Variants in ADAM23 observed in about 807,000 individuals in gnomAD.
The protein encoded by ADAM23 is ADAM metallopeptidase domain 23.
In ADAM23, 33 loss-of-function variants were observed where a neutral mutation model predicts 120.1. That is an observed-to-expected ratio of 0.27 (90% confidence interval 0.21 to 0.37). ADAM23 has a LOEUF of 0.37. ADAM23 is among the 10% of genes least tolerant of loss of function. The probability of loss-of-function intolerance (pLI) is 1.00; values close to 1 mark genes in which losing one functional copy is unlikely to be tolerated. For missense variants in ADAM23, 862 were observed against 1,058.2 expected (o/e 0.81, Z 2.57); for synonymous variants, 367 against 375.2 (o/e 0.98, Z 0.25).
chr2:206,612,983 A>G (rs1698853873), intron 25 of ADAM23, among the ~76,000 whole-genome samples: 1 of 152,222 alleles, frequency 6.6e-6, no homozygotes, highest in Non-Finnish European at 1.5e-5. Flanking sequence ...AAGAATTTTT[A>G]AATGTTTTAT....
At chr2:206,600,861 A>T (rs900827103) in intron 24 of ADAM23, among the ~76,000 whole-genome samples, 12 of 152,296 alleles carry the variant, frequency 7.9e-5, no homozygotes, top group African/African-American at 2.4e-4. Context: ...AGGATTTTTT[A>T]AAAAAGATTT....
intron 18 of ADAM23, among the ~76,000 whole-genome samples, chr2:206,586,012 A>C (rs143515943): frequency 2.6e-5 from 4 of 152,312 alleles, no homozygotes; most frequent in African/African-American, 9.6e-5. Flanking sequence ...AGCTCTAACA[A>C]AGGTGAGGGA....
At chr2:206,477,448 C>T (rs1404390900) in intron 2 of ADAM23, among the ~76,000 whole-genome samples, 2 of 152,062 alleles carry the variant, frequency 1.3e-5, no homozygotes, top group African/African-American at 4.8e-5. Context: ...TAATTCTGAG[C>T]CCAGGGACAT....
intron 6 of ADAM23, among the ~76,000 whole-genome samples, chr2:206,544,022 A>G (rs1454729816): frequency 6.6e-6 from 1 of 152,212 alleles, no homozygotes; most frequent in Non-Finnish European, 1.5e-5. Flanking sequence ...GGTACAGTGT[A>G]CACTACTTGG....
At chr2:206,579,568 TC>T (rs1445612421) in intron 18 of ADAM23, among the ~76,000 whole-genome samples, 1 of 151,956 alleles carries the variant, frequency 6.6e-6, no homozygotes, top group African/African-American at 2.4e-5. Flanking sequence ...ATTTCTGGGT[TC>T]TATATGCCAT....
chr2:206,523,485 C>T (rs1368597193), intron 3 of ADAM23, among the ~76,000 whole-genome samples: 2 of 152,192 alleles, frequency 1.3e-5, no homozygotes, highest in Admixed American at 6.5e-5. Context: ...ATCATTGCTA[C>T]ATGCTTAAAT....
chr2:206,592,881 T>C (rs375619535), intron 22 of ADAM23, 145 bp downstream of exon 22: 3 of 1,057,138 alleles, frequency 2.8e-6, no homozygotes, highest in East Asian at 2.6e-5. Flanking sequence ...ACCTTTCATA[T>C]TGACAGTCAC....
chr2:206,605,246 A>G (rs565403278), intron 24 of ADAM23, among the ~76,000 whole-genome samples: 40 of 152,358 alleles, frequency 2.6e-4, no homozygotes, highest in African/African-American at 9.4e-4. Context: ...ACAGAAATCC[A>G]AATATTGCAG....
At chr2:206,476,463 A>G (rs548982653) in intron 2 of ADAM23, among the ~76,000 whole-genome samples, 7 of 152,128 alleles carry the variant, frequency 4.6e-5, no homozygotes, top group Admixed American at 1.3e-4. Context: ...TTACTGCCTG[A>G]GTTCCACCTC....
chr2:206,535,168 T>TC (rs1697145343), intron 4 of ADAM23, among the ~76,000 whole-genome samples: 2 of 152,172 alleles, frequency 1.3e-5, no homozygotes. Context: ...AATCCTCTCC[T>TC]CCAGTATAGC....
rs1370261415 is a variant in ADAM23 at position 206,446,021 on chromosome 2, GA to G, written c.432+506del. Among the ~76,000 whole-genome samples the G allele has an allele frequency of 1.5e-4, 23 of 151,530 alleles. No homozygotes were observed. The East Asian group carries it at 3.5e-3, about 23-fold the overall frequency. On this transcript the variant is annotated intron_variant, in intron 2 of 25. Transcript: ENST00000264377. ...TGTTTCTTTAATTGATCAGTAGGAGGAAAAAAAAATTTTCTGTTGTATTTTC... is the reference window on the plus strand; with the variant it reads ...TGTTTCTTTAATTGATCAGTAGGAGGAAAAAAAATTTTCTGTTGTATTTTC...
At chr2:206,460,623 G>A (rs1410062209) in intron 2 of ADAM23, among the ~76,000 whole-genome samples, 3 of 151,890 alleles carry the variant, frequency 2.0e-5, no homozygotes, top group African/African-American at 4.8e-5. Context: ...AGTTCTTTAT[G>A]TACTCTGGAT....
intron 18 of ADAM23, among the ~76,000 whole-genome samples, chr2:206,582,405 C>T (rs528875105): frequency 7.2e-4 from 109 of 152,212 alleles, no homozygotes; most frequent in African/African-American, 2.5e-3. Context: ...GCCTTTTCCA[C>T]CCCTTTACTT....
At chr2:206,556,839 T>G (rs1194178910) in intron 9 of ADAM23, among the ~76,000 whole-genome samples, 1 of 152,192 alleles carries the variant, frequency 6.6e-6, no homozygotes, top group Non-Finnish European at 1.5e-5. Flanking sequence ...TGGCAAATGC[T>G]GTCCATATCA....
chr2:206,477,457 A>G (rs1289195416), intron 2 of ADAM23, among the ~76,000 whole-genome samples: 2 of 152,178 alleles, frequency 1.3e-5, no homozygotes, highest in Non-Finnish European at 2.9e-5. Flanking sequence ...GCCCAGGGAC[A>G]TGCTCATTCT....
chr2:206,591,464 C>A (rs868430575), intron 21 of ADAM23, among the ~76,000 whole-genome samples: 5 of 152,152 alleles, frequency 3.3e-5, no homozygotes, highest in Admixed American at 6.5e-5. Flanking sequence ...GTATAGCTGT[C>A]TGTTGTTCAT....
chr2:206,576,706 A>C (rs1425877708), intron 18 of ADAM23, among the ~76,000 whole-genome samples: 1 of 152,138 alleles, frequency 6.6e-6, no homozygotes, highest in African/African-American at 2.4e-5. Context: ...CTTTTACCTC[A>C]TAATGTGTTT....
intron 18 of ADAM23, among the ~76,000 whole-genome samples, chr2:206,579,616 G>C (rs1056691304): frequency 6.6e-6 from 1 of 152,174 alleles, no homozygotes; most frequent in Non-Finnish European, 1.5e-5. Flanking sequence ...GTGCCATGCT[G>C]TTTTGGTGAC....
intron 2 of ADAM23, among the ~76,000 whole-genome samples, chr2:206,467,615 A>T (rs1695566468): frequency 6.6e-6 from 1 of 152,150 alleles, no homozygotes; most frequent in South Asian, 2.1e-4. Flanking sequence ...TGTGGCTTTT[A>T]CAGGCACAGG....
Sources: allele counts gnomAD v4.1 joint callset (sites outside exome capture counted in the v4.1 genomes callset), GRCh38; gene constraint gnomAD v4.1.1; transcripts MANE v1.5; gene names NCBI Gene and HGNC (gene_info 2026-07-23, HGNC 2026-07-21).